Variants in EGF observed in about 807,000 individuals in gnomAD.
The protein encoded by EGF is pro-epidermal growth factor.
EGF carries 95 observed loss-of-function variants against 143.8 expected under a neutral mutation model. That is an observed-to-expected ratio of 0.66 (90% CI 0.56 to 0.78). The LOEUF is 0.78. EGF is among the 30% of genes least tolerant of loss of function. The pLI is 0.00. For synonymous variants in EGF, 510 were observed against 510.5 expected (o/e 1.00, Z 0.01); for missense variants, 1,320 against 1,470.9 (o/e 0.90, Z 1.68).
chr4:109,947,382 T>C (rs1327290509), intron 5 of EGF, among the ~76,000 whole-genome samples: 2 of 151,996 alleles, frequency 1.3e-5, no homozygotes, highest in Non-Finnish European at 2.9e-5. Flanking sequence ...TACTTTCTTT[T>C]TTTTTTTTTT....
chr4:109,976,481 T>A (rs1178857362), intron 13 of EGF, among the ~76,000 whole-genome samples: 1 of 152,202 alleles, frequency 6.6e-6, no homozygotes, highest in African/African-American at 2.4e-5. Flanking sequence ...AATATTAAAA[T>A]TTTCTAAACT....
Position 109,994,718 on chromosome 4 carries a change from CTT to C in EGF, c.2858-14_2858-13del. On this transcript the variant is annotated splice_polypyrimidine_tract_variant and intron_variant, in intron 19 of 23. Coordinates refer to ENST00000265171, the MANE Select transcript of EGF (RefSeq NM_001963.6). ...TCCATTCAGAAAGTAAAAGTAATGTCTTGGGTTCTTTTAGACTCTACTCCACC... is the reference window on the plus strand; with the variant it reads ...TCCATTCAGAAAGTAAAAGTAATGTCGGGTTCTTTTAGACTCTACTCCACC... 6.2e-7 allele frequency: 1 copy of C among 1,613,596 alleles called. No individual in the cohort carries two copies. Among genetic ancestry groups the C allele is most frequent in the Non-Finnish European group, 8.5e-7 (1 of 1,179,856 alleles).
chr4:109,947,428 G>A (rs1470316588), intron 5 of EGF, among the ~76,000 whole-genome samples: 3 of 151,308 alleles, frequency 2.0e-5, no homozygotes, highest in Non-Finnish European at 2.9e-5. Context: ...AGGCTGGAGT[G>A]CCGTGGCACA....
chr4:109,977,986 A>T (rs1179409871), intron 13 of EGF, among the ~76,000 whole-genome samples: 1 of 152,262 alleles, frequency 6.6e-6, no homozygotes, highest in East Asian at 1.9e-4. Flanking sequence ...TACTTTGTGT[A>T]TCATTTATAT....
chr4:109,944,847 G>A (rs1742565187), intron 4 of EGF, among the ~76,000 whole-genome samples: 1 of 152,144 alleles, frequency 6.6e-6, no homozygotes, highest in Non-Finnish European at 1.5e-5. Context: ...ATGACTAAAA[G>A]AAGAATGAGA....
At chr4:109,949,217 C>T (rs918744198) in intron 5 of EGF, among the ~76,000 whole-genome samples, 1 of 152,062 alleles carries the variant, frequency 6.6e-6, no homozygotes, top group Non-Finnish European at 1.5e-5. Flanking sequence ...TACAGGCACC[C>T]ACCACCATGC....
intron 11 of EGF, among the ~76,000 whole-genome samples, chr4:109,970,887 T>C (rs959235350): frequency 2.0e-5 from 3 of 151,300 alleles, no homozygotes; most frequent in African/African-American, 7.3e-5. Flanking sequence ...TTATCAGTTA[T>C]CAATAGTATG....
At chr4:109,961,530 T>A (rs1339812623) in intron 7 of EGF, among the ~76,000 whole-genome samples, 1 of 152,232 alleles carries the variant, frequency 6.6e-6, no homozygotes, top group Non-Finnish European at 1.5e-5. Context: ...TTTAATTTTT[T>A]AATTTTTAAA....
chr4:110,001,269 A>G (rs953010907), intron 21 of EGF, among the ~76,000 whole-genome samples: 2 of 152,264 alleles, frequency 1.3e-5, no homozygotes, highest in African/African-American at 4.8e-5. Flanking sequence ...TAAGTCTGGC[A>G]TATAGGAATT....
intron 1 of EGF, 161 bp from the exon 2 acceptor site, chr4:109,940,785 T>C: frequency 2.9e-6 from 2 of 682,244 alleles, no homozygotes; most frequent in Middle Eastern, 4.1e-4. Context: ...AGTGTGAATA[T>C]CTACAGGAAC....
intron 22 of EGF, among the ~76,000 whole-genome samples, chr4:110,005,221 T>A (rs1753115540): frequency 6.6e-6 from 1 of 151,760 alleles, no homozygotes; most frequent in African/African-American, 2.4e-5. Flanking sequence ...AATTTTTGTA[T>A]TTTTTGTAGA....
rs141031217 is a variant in EGF at position 110,010,985 on chromosome 4, G to A, written c.3371-217G>A. The stretch of plus-strand genomic sequence containing the variant: ...GAGCCTAGGAGGAAGAGGCTGTGGT[G>A]AGCTGTGACTGTGCCACTGCACAAT... On this transcript the variant is annotated intron_variant, in intron 23 of 23. Coordinates refer to ENST00000265171, the MANE Select transcript of EGF (RefSeq NM_001963.6). Among the ~76,000 whole-genome samples, 336 of 152,050 alleles carry A rather than the reference G, an allele frequency of 2.2e-3. 5 individuals carry two copies. The South Asian group carries it at 0.035, about 16-fold the overall frequency.
chr4:109,998,530 C>A (rs1239012338), intron 20 of EGF, among the ~76,000 whole-genome samples: 1 of 152,146 alleles, frequency 6.6e-6, no homozygotes, highest in Non-Finnish European at 1.5e-5. Context: ...CAGGAATATG[C>A]CACCAAAAAT....
At chr4:109,915,463 C>A (rs138684305) in intron 1 of EGF, among the ~76,000 whole-genome samples, 1 of 152,292 alleles carries the variant, frequency 6.6e-6, no homozygotes, top group Non-Finnish European at 1.5e-5. Context: ...TTGAACAGTG[C>A]AGTGACACGG....
Position 110,013,328 on chromosome 4 carries a change from C to T in EGF, c.*1873C>T, listed in dbSNP as rs997290735. 6.6e-5 allele frequency among the ~76,000 whole-genome samples: 10 copies of T among 152,098 alleles called. No individual in the cohort carries two copies. The highest frequency in any genetic ancestry group is 1.2e-4 in the African/African-American group (5 of 41,412). The stretch of plus-strand genomic sequence containing the variant: ...TGACAAAAGAAATGACATGAGAACA[C>T]GGCTACCCATAACATACCATTATCT... On this transcript the variant is annotated 3_prime_UTR_variant, in exon 24 of 24. Transcript: ENST00000265171.
intron 11 of EGF, 133 bp from the exon 12 acceptor site, chr4:109,974,570 T>G (rs1363100575): frequency 1.5e-6 from 1 of 684,548 alleles, no homozygotes; most frequent in Admixed American, 2.1e-5. Flanking sequence ...GAGTAAGAGA[T>G]AGGGAGAGAG....
At chr4:109,951,582 T>C (rs1743938478) in intron 5 of EGF, among the ~76,000 whole-genome samples, 1 of 152,222 alleles carries the variant, frequency 6.6e-6, no homozygotes. Flanking sequence ...TACAAAATTA[T>C]CTGTTCTTGT....
chr4:109,964,345 C>A (rs1279862793), intron 9 of EGF, 56 bp from the exon 10 acceptor site: 3 of 1,611,842 alleles, frequency 1.9e-6, no homozygotes, highest in Non-Finnish European at 2.5e-6. Flanking sequence ...TCAGAGATGC[C>A]TCTTAGTTTC....
chr4:109,984,366 C>G (rs1175906553), intron 16 of EGF, among the ~76,000 whole-genome samples: 1 of 152,098 alleles, frequency 6.6e-6, no homozygotes, highest in Non-Finnish European at 1.5e-5. Context: ...GTACCTCTTA[C>G]CTCACCTTAT....
Sources: allele counts gnomAD v4.1 joint callset (sites outside exome capture counted in the v4.1 genomes callset), GRCh38; gene constraint gnomAD v4.1.1; transcripts MANE v1.5; gene names NCBI Gene and HGNC (gene_info 2026-07-23, HGNC 2026-07-21).